NOVA1: variants seen among roughly 807,000 people sequenced by gnomAD.
NOVA1 encodes the protein RNA-binding protein Nova-1.
In NOVA1, 7 loss-of-function variants were observed where a neutral mutation model predicts 38.0. The ratio of observed to expected loss-of-function variants is 0.18; its 90% CI spans 0.10 to 0.35. NOVA1 has a LOEUF of 0.35. NOVA1 is among the 10% of genes least tolerant of loss of function. The pLI is 1.00. For synonymous variants in NOVA1, 270 were observed against 232.5 expected (o/e 1.16, Z -1.47); for missense variants, 460 against 616.0 (o/e 0.75, Z 2.68).
chr14:26,459,404 G>C (rs1383928054), intron 4 of NOVA1, among the ~76,000 whole-genome samples: 1 of 152,070 alleles, frequency 6.6e-6, no homozygotes, highest in Non-Finnish European at 1.5e-5. Context: ...CAAGGGCCTA[G>C]GTGTGTATTA....
In NOVA1 at chr14:26,486,600, T is replaced by C. The variant is rs569847326; in HGVS notation, c.281-6457A>G. Among the ~76,000 whole-genome samples, 84 of 145,506 alleles carry C rather than the reference T, an allele frequency of 5.8e-4. 1 individual carries two copies. The South Asian group carries it at 0.017, about 30-fold the overall frequency. ...GGTGGGCACCTGTAGTCCTAGCTAC[T>C]TGGGAGGCTGAGGCAGGAGAATGGC... On this transcript the variant is annotated intron_variant, in intron 2 of 4. Transcript: ENST00000539517.
intron 2 of NOVA1, among the ~76,000 whole-genome samples, chr14:26,581,176 T>G (rs1893198479): frequency 6.6e-6 from 1 of 152,100 alleles, no homozygotes; most frequent in Non-Finnish European, 1.5e-5. Context: ...TGACACCACA[T>G]GTTCTCTAGA....
chr14:26,481,454 G>C (rs1885442897), intron 2 of NOVA1, among the ~76,000 whole-genome samples: 1 of 151,946 alleles, frequency 6.6e-6, no homozygotes, highest in Non-Finnish European at 1.5e-5. Flanking sequence ...AATAGTAAAA[G>C]AATATCATTA....
chr14:26,492,863 G>C (rs573240682), intron 2 of NOVA1, among the ~76,000 whole-genome samples: 1 of 152,014 alleles, frequency 6.6e-6, no homozygotes, highest in East Asian at 1.9e-4. Flanking sequence ...TACTCGAGAG[G>C]TGGAGGTTTC....
At chr14:26,563,293 GTTACAACC>G (rs978598691) in intron 2 of NOVA1, among the ~76,000 whole-genome samples, 5 of 151,056 alleles carry the variant, frequency 3.3e-5, no homozygotes, top group African/African-American at 1.2e-4. Context: ...AGAACTGATG[GTTACAACC>G]ACAAAATAAG....
At chr14:26,517,779 G>A (rs1191513802) in intron 2 of NOVA1, among the ~76,000 whole-genome samples, 4 of 152,012 alleles carry the variant, frequency 2.6e-5, no homozygotes, top group Admixed American at 2.6e-4. Flanking sequence ...ACCATGCCAT[G>A]GCATAGTCAT....
chr14:26,451,672 A>G (rs905364470), intron 4 of NOVA1, among the ~76,000 whole-genome samples: 1 of 152,170 alleles, frequency 6.6e-6, no homozygotes, highest in East Asian at 1.9e-4. Flanking sequence ...CAATACTCAA[A>G]AACTTTGAAA....
chr14:26,576,683 T>C (rs1892866577), intron 2 of NOVA1, among the ~76,000 whole-genome samples: 1 of 151,820 alleles, frequency 6.6e-6, no homozygotes, highest in African/African-American at 2.4e-5. Context: ...ATGATAGATT[T>C]TATTTTTATA....
chr14:26,561,961 G>A (rs558818091), intron 2 of NOVA1, among the ~76,000 whole-genome samples: 25 of 152,132 alleles, frequency 1.6e-4, no homozygotes, highest in African/African-American at 5.3e-4. Flanking sequence ...AGTGATAATC[G>A]TTTATATTAA....
chr14:26,465,260 C>T (rs1333780403), intron 4 of NOVA1, among the ~76,000 whole-genome samples: 3 of 152,048 alleles, frequency 2.0e-5, no homozygotes, highest in Non-Finnish European at 2.9e-5. Context: ...CTGGAACCTC[C>T]GCCTCCCGGG....
intron 2 of NOVA1, among the ~76,000 whole-genome samples, chr14:26,513,778 A>T (rs1888268343): frequency 6.6e-6 from 1 of 151,822 alleles, no homozygotes; most frequent in Non-Finnish European, 1.5e-5. Context: ...ACTAGAAATG[A>T]AACTATTATT....
intron 2 of NOVA1, among the ~76,000 whole-genome samples, chr14:26,487,640 T>C (rs2138336662): frequency 6.6e-6 from 1 of 152,246 alleles, no homozygotes; most frequent in East Asian, 1.9e-4. Context: ...CTCCTAAGAA[T>C]GTAATATTAG....
chr14:26,449,035 T>C, intron 4 of NOVA1, 72 bp from the exon 5 acceptor site: 1 of 1,347,450 alleles, frequency 7.4e-7, no homozygotes, highest in Non-Finnish European at 1.0e-6. Flanking sequence ...TTTGCTATCC[T>C]AGAAAAGTAA....
intron 2 of NOVA1, among the ~76,000 whole-genome samples, chr14:26,587,589 T>C (rs886962258): frequency 1.3e-5 from 2 of 150,942 alleles, no homozygotes; most frequent in African/African-American, 2.4e-5. Flanking sequence ...ATCATCATCA[T>C]AGAAAAATAA....
At chr14:26,546,711 A>G (rs961062477) in intron 2 of NOVA1, among the ~76,000 whole-genome samples, 6 of 152,188 alleles carry the variant, frequency 3.9e-5, no homozygotes, top group South Asian at 2.1e-4. Context: ...TCATTCATAC[A>G]TAAGTACTGA....
chr14:26,493,355 T>C (rs149566031), intron 2 of NOVA1, among the ~76,000 whole-genome samples: 5 of 152,350 alleles, frequency 3.3e-5, no homozygotes, highest in African/African-American at 1.2e-4. Flanking sequence ...AGTCTCAGAA[T>C]ATTACAGATC....
chr14:26,562,231 C>T (rs192152666), intron 2 of NOVA1, among the ~76,000 whole-genome samples: 1 of 152,186 alleles, frequency 6.6e-6, no homozygotes, highest in African/African-American at 2.4e-5. Flanking sequence ...ACAAGCAGTT[C>T]CTGGATTCAA....
At chr14:26,534,824 G>A (rs1362858673) in intron 2 of NOVA1, among the ~76,000 whole-genome samples, 1 of 152,130 alleles carries the variant, frequency 6.6e-6, no homozygotes, top group African/African-American at 2.4e-5. Context: ...GTTAAAAAAG[G>A]AAGTAGAAAA....
chr14:26,519,910 G>A (rs534112847), intron 2 of NOVA1, among the ~76,000 whole-genome samples: 2 of 152,146 alleles, frequency 1.3e-5, no homozygotes, highest in East Asian at 3.9e-4. Context: ...AAATAATGAA[G>A]AATGGGGTAC....
Sources: gnomAD v4.1 joint callset for allele counts (sites outside exome capture counted in the v4.1 genomes callset) on GRCh38, gnomAD v4.1.1 for gene constraint, MANE v1.5 for transcripts, NCBI Gene and HGNC (gene_info 2026-07-23, HGNC 2026-07-21) for gene names.